Variants in HECW1 observed in about 807,000 individuals in gnomAD.
HECW1 encodes E3 ubiquitin-protein ligase HECW1.
HECW1 carries 61 observed loss-of-function variants against 182.3 expected under a neutral mutation model. The observed-to-expected ratio is 0.33, with a 90% CI of 0.27 to 0.41. The LOEUF (loss-of-function observed/expected upper bound fraction) is 0.41. Ranked by LOEUF, HECW1 falls within the 10% of genes least tolerant of loss-of-function variation. HECW1 has a pLI of 1.00. For synonymous variants in HECW1, 859 were observed against 832.6 expected (o/e 1.03, Z -0.55); for missense variants, 1,739 against 2,108.9 (o/e 0.82, Z 3.44).
At chr7:43,216,541 TC>T (rs1360708276) in intron 2 of HECW1, among the ~76,000 whole-genome samples, 4 of 152,176 alleles carry the variant, frequency 2.6e-5, no homozygotes, top group Admixed American at 2.0e-4. Flanking sequence ...CTTTCCTGGA[TC>T]ATGGTAAGCT....
chr7:43,554,104 A>T (rs1267193484), intron 28 of HECW1, among the ~76,000 whole-genome samples: 13 of 152,212 alleles, frequency 8.5e-5, no homozygotes, highest in Admixed American at 8.5e-4. Flanking sequence ...TCAAGGGGAG[A>T]GCCTGGGATC....
At chr7:43,550,341 C>T (rs183032078) in intron 26 of HECW1, 104 bp from the exon 27 acceptor site, 525 of 1,230,788 alleles carry the variant, frequency 4.3e-4, no homozygotes, top group Non-Finnish European at 5.8e-4. Flanking sequence ...GAATAATGCC[C>T]TGTAGAGGAT....
chr7:43,274,632 C>A lies in HECW1; in HGVS notation c.27+30700C>A, dbSNP rs570824508. 22 of 353,018 alleles carry A rather than the reference C, an allele frequency of 6.2e-5. No individual in the cohort carries two copies. The East Asian group carries it at 1.7e-3, about 27-fold the overall frequency. 21.9% of individuals were successfully genotyped at this position (353,018 alleles called of 1,614,324 possible). A position where few individuals can be genotyped will look rare whatever the true frequency, so the allele number is the denominator to read the frequency against. Reference sequence around the variant, plus strand: ...GCCCCAAATAAACTCAGGAACGCCCCGGGGGAGGGAGGGAGAGAGAGAGAG... The same window carrying A: ...GCCCCAAATAAACTCAGGAACGCCCAGGGGGAGGGAGGGAGAGAGAGAGAG... On this transcript the variant is annotated intron_variant, in intron 3 of 29. Transcript: ENST00000395891.
intron 7 of HECW1, 65 bp downstream of exon 7, chr7:43,396,954 C>A: frequency 8.6e-7 from 1 of 1,156,186 alleles, no homozygotes; most frequent in Non-Finnish European, 1.3e-6. Context: ...TGAAGACACT[C>A]ACTTCCATTT....
chr7:43,283,533 G>A (rs1804205421), intron 3 of HECW1, among the ~76,000 whole-genome samples: 1 of 151,994 alleles, frequency 6.6e-6, no homozygotes, highest in African/African-American at 2.4e-5. Context: ...TAAATAGTTT[G>A]CATGTTTTGC....
intron 6 of HECW1, among the ~76,000 whole-genome samples, chr7:43,393,328 A>C (rs1372937106): frequency 6.6e-6 from 1 of 152,148 alleles, no homozygotes; most frequent in Non-Finnish European, 1.5e-5. Flanking sequence ...CCAGGGTGAA[A>C]CTATTTGGGC....
chr7:43,519,172 G>A (rs924673717), intron 24 of HECW1, among the ~76,000 whole-genome samples: 1 of 152,004 alleles, frequency 6.6e-6, no homozygotes, highest in African/African-American at 2.4e-5. Flanking sequence ...ACCCATAGAG[G>A]TTTAAACTTG....
intron 19 of HECW1, among the ~76,000 whole-genome samples, chr7:43,495,125 T>A (rs2079067740): frequency 6.6e-6 from 1 of 152,180 alleles, no homozygotes; most frequent in Non-Finnish European, 1.5e-5. Context: ...TAATTTTTTT[T>A]ATTATACTTC....
intron 8 of HECW1, among the ~76,000 whole-genome samples, chr7:43,415,821 C>T (rs1484906727): frequency 9.2e-5 from 13 of 140,836 alleles, no homozygotes; most frequent in African/African-American, 1.4e-4. Context: ...TTGATCGCAT[C>T]GGCTCCTGAG....
In HECW1 at chr7:43,320,617, C is replaced by T. The variant is rs751538322; in HGVS notation, c.353-18C>T. ...CTGATATGTTTCTCTGCTCTGCTTTCTTCCTCTGGGAATATAGATGAGGTC... is the reference window on the plus strand; with the variant it reads ...CTGATATGTTTCTCTGCTCTGCTTTTTTCCTCTGGGAATATAGATGAGGTC... On this transcript the variant is annotated intron_variant, in intron 4 of 29. Transcript: ENST00000395891. 1 of 1,545,866 alleles carries T rather than the reference C, an allele frequency of 6.5e-7. No homozygotes were observed. The highest frequency in any genetic ancestry group is 8.9e-7 in the Non-Finnish European group (1 of 1,117,784).
At chr7:43,498,170 G>A (rs117768391) in intron 19 of HECW1, among the ~76,000 whole-genome samples, 3,668 of 152,322 alleles carry the variant, frequency 0.024, 69 homozygotes, top group South Asian at 0.1. Flanking sequence ...AGGATATAAT[G>A]TCTGGTGGAG....
chr7:43,217,762 T>G (rs557567974), intron 2 of HECW1, among the ~76,000 whole-genome samples: 1 of 152,352 alleles, frequency 6.6e-6, no homozygotes, highest in East Asian at 1.9e-4. Flanking sequence ...GCGTATGGTT[T>G]GGAGGACTTC....
In HECW1 at chr7:43,523,086, C is replaced by T. The variant is rs542109084; in HGVS notation, c.4019+13965C>T. On this transcript the variant is annotated intron_variant, in intron 24 of 29. Coordinates refer to ENST00000395891, the MANE Select transcript of HECW1 (RefSeq NM_015052.5). ...TGGTGCGATCTTGGCTCACTGCAAC[C>T]TCCTCCTCCCAGGTTCAAGCAATTC... 1.6e-4 allele frequency: 70 copies of T among 425,076 alleles called. 3 individuals carry two copies. Among genetic ancestry groups the T allele is most frequent in the South Asian group, 1.2e-3 (68 of 58,064 alleles). 26.3% of individuals were successfully genotyped at this position (425,076 alleles called of 1,614,324 possible).
intron 2 of HECW1, among the ~76,000 whole-genome samples, chr7:43,123,535 A>G (rs1285003144): frequency 6.6e-6 from 1 of 152,154 alleles, no homozygotes; most frequent in African/African-American, 2.4e-5. Flanking sequence ...TAAATATTGC[A>G]TATGGACTTT....
intron 4 of HECW1, 77 bp downstream of exon 4, chr7:43,312,164 A>G (rs1808611047): frequency 2.4e-6 from 3 of 1,244,690 alleles, no homozygotes; most frequent in East Asian, 2.4e-5. Context: ...ACTCTACAAT[A>G]TAATTAAAAT....
chr7:43,261,416 T>C (rs1046432902), intron 3 of HECW1, among the ~76,000 whole-genome samples: 1 of 152,148 alleles, frequency 6.6e-6, no homozygotes, highest in Non-Finnish European at 1.5e-5. Context: ...TCGGATTTGT[T>C]CTCTTCTATT....
chr7:43,385,121 ATC>A (rs1254300188), intron 6 of HECW1, among the ~76,000 whole-genome samples: 2 of 150,720 alleles, frequency 1.3e-5, no homozygotes, highest in East Asian at 2.0e-4. Flanking sequence ...CCAAAGGGGC[ATC>A]TCTCTTTCCC....
chr7:43,311,995 A>G lies in HECW1; in HGVS notation c.260A>G (p.Tyr87Cys). The change falls in exon 4 of 30, where the codon TAC (tyrosine) becomes TGC (cysteine). Residue 87 changes from tyrosine to cysteine, a missense_variant. By Grantham distance (194) the Tyr-to-Cys change is radical. Coordinates refer to ENST00000395891, the MANE Select transcript of HECW1 (RefSeq NM_015052.5). ...SRSTLMVSSS[Y>C]YSIGHSQDLV... is the part of the protein sequence containing the mutation. Reference sequence around the variant, plus strand: ...TCCACGCTCATGGTCAGCAGCTCCTACTATTCCATCGGGCACTCTCAGGAC... The same window carrying G: ...TCCACGCTCATGGTCAGCAGCTCCTGCTATTCCATCGGGCACTCTCAGGAC... 1 of 1,614,120 alleles carries G rather than the reference A, an allele frequency of 6.2e-7. No individual in the cohort carries two copies. Among genetic ancestry groups the G allele is most frequent in the Non-Finnish European group, 8.5e-7 (1 of 1,179,936 alleles).
At chr7:43,329,436 A>G (rs1011318484) in intron 5 of HECW1, among the ~76,000 whole-genome samples, 7 of 152,116 alleles carry the variant, frequency 4.6e-5, no homozygotes, top group African/African-American at 7.2e-5. Flanking sequence ...CCAAGAAACT[A>G]TGGCATAAAA....
Sources: allele counts gnomAD v4.1 joint callset (sites outside exome capture counted in the v4.1 genomes callset), GRCh38; gene constraint gnomAD v4.1.1; transcripts MANE v1.5; gene names NCBI Gene and HGNC (gene_info 2026-07-23, HGNC 2026-07-21).